OTUD7A: variants seen among roughly 807,000 people sequenced by gnomAD.
OTUD7A encodes the protein OTU domain-containing protein 7A.
A neutral mutation model predicts 65.7 loss-of-function variants in OTUD7A; 12 were observed. That is an observed-to-expected ratio of 0.18 (90% CI 0.12 to 0.30). The LOEUF (loss-of-function observed/expected upper bound fraction) is 0.30, where lower values mean the gene tolerates loss of function less well. OTUD7A is among the 10% of genes least tolerant of loss of function. The pLI, the probability that OTUD7A is intolerant of heterozygous loss-of-function variation, is 1.00. For synonymous variants in OTUD7A, 641 were observed against 586.3 expected, an observed-to-expected ratio of 1.09 and a Z score of -1.35; for missense variants, 1,148 against 1,304.8, an observed-to-expected ratio of 0.88 and a Z score of 1.85.
At chr15:31,572,013 TTC>T (rs1889070535) in intron 3 of OTUD7A, among the ~76,000 whole-genome samples, 1 of 152,232 alleles carries the variant, frequency 6.6e-6, no homozygotes, top group South Asian at 2.1e-4. Context: ...TGCTCTTCTT[TTC>T]TCTTAATTTA....
At chr15:31,811,835 C>G (rs1896425224) in intron 1 of OTUD7A, among the ~76,000 whole-genome samples, 1 of 152,236 alleles carries the variant, frequency 6.6e-6, no homozygotes, top group African/African-American at 2.4e-5. Context: ...TGGACTAGGG[C>G]AACCTGCTTT....
chr15:31,599,206 G>C (rs1461016766), intron 3 of OTUD7A, among the ~76,000 whole-genome samples: 2 of 152,206 alleles, frequency 1.3e-5, no homozygotes, highest in Non-Finnish European at 2.9e-5. Context: ...TGTGTATCCT[G>C]ACTGGGAGAC....
chr15:31,682,877 G>A (rs1222096867), intron 1 of OTUD7A, among the ~76,000 whole-genome samples: 1 of 152,182 alleles, frequency 6.6e-6, no homozygotes, highest in East Asian at 1.9e-4. Context: ...GTGCATGTTT[G>A]CATGCGCATG....
intron 5 of OTUD7A, among the ~76,000 whole-genome samples, chr15:31,535,227 G>A (rs1354721366): frequency 4.6e-5 from 7 of 152,110 alleles, no homozygotes; most frequent in Admixed American, 6.5e-5. Flanking sequence ...TCATGGAGGC[G>A]GTTTCCCCCA....
intron 3 of OTUD7A, among the ~76,000 whole-genome samples, chr15:31,618,846 G>C (rs1173560865): frequency 1.3e-5 from 2 of 152,090 alleles, no homozygotes; most frequent in African/African-American, 4.8e-5. Flanking sequence ...ATGAGTCCTT[G>C]CCCATGCCTA....
At position 31,479,881 on chromosome 15, in the gene OTUD7A, G is replaced by A. The variant is rs2041090638; in HGVS notation, c.*3413C>T. On this transcript the variant is annotated 3_prime_UTR_variant, in exon 13 of 13. Coordinates refer to ENST00000307050, the MANE Select transcript of OTUD7A (RefSeq NM_001382637.1). ...ATTCAAATGCCACTGGGTGGTAATA[G>A]GTATGAAAAGGTCCACAGTAATTTA... is the stretch of plus-strand genomic sequence containing the variant. 6.6e-6 allele frequency: 1 copy of A among 152,112 alleles called. No homozygotes were observed. The highest frequency in any genetic ancestry group is 1.5e-5 in the Non-Finnish European group (1 of 68,024). The allele number at this position is 152,112 out of a possible 1,614,324, so 9.4% of individuals were successfully genotyped here. A position where few individuals can be genotyped will look rare whatever the true frequency, so the allele number is the denominator to read the frequency against.
At chr15:31,805,570 C>T (rs767565127) in intron 1 of OTUD7A, among the ~76,000 whole-genome samples, 4 of 152,210 alleles carry the variant, frequency 2.6e-5, no homozygotes, top group Non-Finnish European at 5.9e-5. Context: ...ATGTGTCTGT[C>T]TTTATAGAGA....
At chr15:31,783,002 G>C (rs1895580976) in intron 1 of OTUD7A, among the ~76,000 whole-genome samples, 1 of 152,152 alleles carries the variant, frequency 6.6e-6, no homozygotes. Context: ...CAAGAGCTGA[G>C]TTAAAAGAAC....
At chr15:31,843,675 T>G (rs1413882595) in intron 1 of OTUD7A, among the ~76,000 whole-genome samples, 1 of 152,202 alleles carries the variant, frequency 6.6e-6, no homozygotes, top group Non-Finnish European at 1.5e-5. Context: ...TCATTGTTTT[T>G]GGTCTGTTTT....
chr15:31,806,634 C>T (rs1256807676), intron 1 of OTUD7A, among the ~76,000 whole-genome samples: 1 of 152,236 alleles, frequency 6.6e-6, no homozygotes, highest in African/African-American at 2.4e-5. Flanking sequence ...ATCATCCCAT[C>T]CTTCAGCCAC....
At chr15:31,594,997 G>A (rs1889860200) in intron 3 of OTUD7A, among the ~76,000 whole-genome samples, 1 of 152,358 alleles carries the variant, frequency 6.6e-6, no homozygotes. Flanking sequence ...GGCACCTACT[G>A]TGTGCTGTTT....
chr15:31,673,058 A>G (rs1211145599), intron 1 of OTUD7A, among the ~76,000 whole-genome samples: 2 of 152,246 alleles, frequency 1.3e-5, no homozygotes, highest in Non-Finnish European at 2.9e-5. Context: ...TCAATTTATG[A>G]TGGGGTTATA....
rs991119880 is a variant in OTUD7A, at chr15:31,581,742, C to T, written c.152-11545G>A. ...CTGGCCCATGAAACCATTTTTTCCT[C>T]TTAGGCCTCCAGGCCTCCTGTGATG... On this transcript the variant is annotated intron_variant, in intron 3 of 12. Transcript: ENST00000307050. Among the ~76,000 whole-genome samples the T allele has an allele frequency of 1.1e-4, 16 of 152,204 alleles. No homozygotes were observed. In the East Asian group the frequency reaches 1.5e-3, roughly 15 times the overall value.
At chr15:31,727,272 T>C (rs1007869723) in intron 1 of OTUD7A, among the ~76,000 whole-genome samples, 5 of 152,244 alleles carry the variant, frequency 3.3e-5, no homozygotes, top group African/African-American at 1.2e-4. Flanking sequence ...TGCTGATTTA[T>C]AAGGCTGCCT....
At chr15:31,654,654 T>C (rs970863101) in intron 3 of OTUD7A, among the ~76,000 whole-genome samples, 9 of 152,224 alleles carry the variant, frequency 5.9e-5, no homozygotes, top group Admixed American at 4.6e-4. Context: ...ACTATGGTTA[T>C]GGCTGAATAC....
intron 3 of OTUD7A, among the ~76,000 whole-genome samples, chr15:31,624,851 C>T (rs979928712): frequency 6.6e-6 from 1 of 152,206 alleles, no homozygotes; most frequent in African/African-American, 2.4e-5. Flanking sequence ...TTACAATCTG[C>T]CTCCCTGAGG....
At chr15:31,615,652 G>C (rs1890563826) in intron 3 of OTUD7A, among the ~76,000 whole-genome samples, 1 of 152,132 alleles carries the variant, frequency 6.6e-6, no homozygotes, top group South Asian at 2.1e-4. Context: ...TTGTTTCTTT[G>C]TGAACATGGA....
intron 1 of OTUD7A, among the ~76,000 whole-genome samples, chr15:31,857,209 G>C (rs1897597739): frequency 6.6e-6 from 1 of 152,212 alleles, no homozygotes; most frequent in African/African-American, 2.4e-5. Context: ...TCTGTGCTCT[G>C]TCCTGAAGGA....
At chr15:31,762,054 C>T (rs1894979277) in intron 1 of OTUD7A, among the ~76,000 whole-genome samples, 1 of 152,104 alleles carries the variant, frequency 6.6e-6, no homozygotes, top group African/African-American at 2.4e-5. Flanking sequence ...TGAAGTGTTC[C>T]AAAATTAAAT....
Sources: gnomAD v4.1 joint callset for allele counts (sites outside exome capture counted in the v4.1 genomes callset) on GRCh38, gnomAD v4.1.1 for gene constraint, MANE v1.5 for transcripts, NCBI Gene and HGNC (gene_info 2026-07-23, HGNC 2026-07-21) for gene names.